ARHGAP24: variants seen among roughly 807,000 people sequenced by gnomAD.
ARHGAP24 encodes rho GTPase-activating protein 24.
A neutral mutation model predicts 76.4 loss-of-function variants in ARHGAP24; 50 were observed. The observed-to-expected ratio is 0.65, with a 90% confidence interval of 0.52 to 0.83. The LOEUF (loss-of-function observed/expected upper bound fraction) is 0.83. Ranked by LOEUF, ARHGAP24 falls within the 40% of genes least tolerant of loss-of-function variation. The pLI, the probability that ARHGAP24 is intolerant of heterozygous loss-of-function variation, is 0.00. For synonymous variants in ARHGAP24, 345 were observed against 323.3 expected (o/e 1.07, Z -0.72); for missense variants, 930 against 914.2 (o/e 1.02, Z -0.22).
intron 3 of ARHGAP24, among the ~76,000 whole-genome samples, chr4:85,889,754 A>T (rs959234414): frequency 2.6e-4 from 40 of 152,202 alleles, no homozygotes; most frequent in Non-Finnish European, 1.0e-4. Flanking sequence ...GGCCTCTTCT[A>T]TAAATAATGC....
At chr4:86,000,262 C>CATTA (rs1740932749) in intron 9 of ARHGAP24, 1 of 436,484 alleles carries the variant, frequency 2.3e-6, no homozygotes, top group African/African-American at 2.0e-5. Context: ...GCCTTGGGAC[C>CATTA]TAATGACTAA....
intron 3 of ARHGAP24, among the ~76,000 whole-genome samples, chr4:85,842,216 A>G (rs538673435): frequency 1.3e-5 from 2 of 152,300 alleles, no homozygotes; most frequent in East Asian, 3.9e-4. Context: ...GAAGTAGTAG[A>G]TGGGAGTTTA....
intron 1 of ARHGAP24, among the ~76,000 whole-genome samples, chr4:85,552,352 T>C (rs1029773544): frequency 3.3e-5 from 5 of 152,160 alleles, no homozygotes; most frequent in Non-Finnish European, 5.9e-5. Flanking sequence ...TTCTTAGTAT[T>C]GATTTCTATT....
At chr4:85,580,148 G>C (rs1031718429) in intron 2 of ARHGAP24, among the ~76,000 whole-genome samples, 17 of 141,862 alleles carry the variant, frequency 1.2e-4, no homozygotes, top group Admixed American at 6.8e-4. Context: ...GGGGGGGAGG[G>C]TGATGGAGAG....
At chr4:85,816,574 C>A (rs1394347818) in intron 3 of ARHGAP24, among the ~76,000 whole-genome samples, 1 of 151,980 alleles carries the variant, frequency 6.6e-6, no homozygotes, top group Non-Finnish European at 1.5e-5. Flanking sequence ...GTTTCTATTC[C>A]TTTTGGATCT....
intron 2 of ARHGAP24, among the ~76,000 whole-genome samples, chr4:85,701,236 A>G (rs576648859): frequency 6.6e-6 from 1 of 152,180 alleles, no homozygotes; most frequent in African/African-American, 2.4e-5. Flanking sequence ...TCCTAATCAC[A>G]TTATCGATTT....
intron 2 of ARHGAP24, among the ~76,000 whole-genome samples, chr4:85,636,146 C>G (rs1238012445): frequency 6.6e-6 from 1 of 151,806 alleles, no homozygotes; most frequent in Non-Finnish European, 1.5e-5. Context: ...CTGACCTTCA[C>G]TCTTCCTTCT....
intron 8 of ARHGAP24, among the ~76,000 whole-genome samples, chr4:85,983,300 A>T (rs1220615180): frequency 1.3e-5 from 2 of 152,058 alleles, no homozygotes; most frequent in Non-Finnish European, 2.9e-5. Context: ...CAGTAATTGG[A>T]TGGCTGGATC....
chr4:85,676,686 G>A (rs994928893), intron 2 of ARHGAP24, among the ~76,000 whole-genome samples: 28 of 152,296 alleles, frequency 1.8e-4, no homozygotes, highest in African/African-American at 6.0e-4. Context: ...GAGTTGGGAA[G>A]AGCAAGGAAA....
chr4:85,740,848 C>T lies in ARHGAP24; in HGVS notation c.268+18876C>T, dbSNP rs576956218. On this transcript the variant is annotated intron_variant, in intron 3 of 9. Coordinates refer to ENST00000395184, the MANE Select transcript of ARHGAP24 (RefSeq NM_001025616.3). ...ATATACTGTTGTCTTATAGATGCAG[C>T]TCAGTAGTCCTACATTATCCCAGAA... Among the ~76,000 whole-genome samples, 8 of 152,278 alleles carry T rather than the reference C, an allele frequency of 5.3e-5. No homozygotes were observed. The South Asian group carries it at 1.7e-3, about 32-fold the overall frequency.
chr4:85,934,452 G>A (rs1199543494), intron 4 of ARHGAP24, among the ~76,000 whole-genome samples: 1 of 152,138 alleles, frequency 6.6e-6, no homozygotes, highest in African/African-American at 2.4e-5. Flanking sequence ...TCTTCAGCAA[G>A]CTTTCTCTGT....
intron 2 of ARHGAP24, among the ~76,000 whole-genome samples, chr4:85,664,532 A>G (rs560919879): frequency 6.7e-6 from 1 of 150,044 alleles, no homozygotes; most frequent in Non-Finnish European, 1.5e-5. Flanking sequence ...CTCTGATTTT[A>G]GTTATTTCTT....
intron 9 of ARHGAP24, among the ~76,000 whole-genome samples, chr4:85,997,789 T>A (rs1740773250): frequency 6.6e-6 from 1 of 151,956 alleles, no homozygotes; most frequent in East Asian, 1.9e-4. Flanking sequence ...CTGAGTAGCT[T>A]GGATTACAGA....
At chr4:85,747,800 A>T (rs574527607) in intron 3 of ARHGAP24, among the ~76,000 whole-genome samples, 32 of 152,362 alleles carry the variant, frequency 2.1e-4, no homozygotes, top group African/African-American at 5.5e-4. Context: ...GTAATTTTTT[A>T]AAATATATTT....
At chr4:85,911,778 C>T (rs1735098151) in intron 3 of ARHGAP24, among the ~76,000 whole-genome samples, 2 of 152,296 alleles carry the variant, frequency 1.3e-5, no homozygotes, top group African/African-American at 4.8e-5. Flanking sequence ...TAGCCACCTG[C>T]AAATGATTAT....
chr4:85,898,255 A>G lies in ARHGAP24; in HGVS notation c.269-25393A>G, dbSNP rs181345333. On this transcript the variant is annotated intron_variant, in intron 3 of 9. Transcript: ENST00000395184. ...GGAAAAACAGCCAATAGAAAACAGAACCATCTCCATCTCATACATGGAGAA... is the reference window on the plus strand; with the variant it reads ...GGAAAAACAGCCAATAGAAAACAGAGCCATCTCCATCTCATACATGGAGAA... 2.4e-3 allele frequency among the ~76,000 whole-genome samples: 361 copies of G among 152,060 alleles called. 2 individuals carry two copies. Among genetic ancestry groups the G allele is most frequent in the African/African-American group, 8.4e-3 (348 of 41,462 alleles).
chr4:85,607,751 G>A (rs1305447155), intron 2 of ARHGAP24, among the ~76,000 whole-genome samples: 1 of 103,810 alleles, frequency 9.6e-6, no homozygotes, highest in Admixed American at 1.1e-4. Context: ...AAATGAGGAA[G>A]TATCAAAAAT....
intron 1 of ARHGAP24, among the ~76,000 whole-genome samples, chr4:85,528,510 T>C (rs1280154870): frequency 4.6e-4 from 70 of 151,916 alleles, no homozygotes; most frequent in Admixed American, 4.6e-3. Flanking sequence ...GTAACAACAA[T>C]ATAGGCAAGA....
At chr4:85,635,295 G>A (rs35592449) in intron 2 of ARHGAP24, among the ~76,000 whole-genome samples, 40,120 of 151,412 alleles carry the variant, frequency 0.26, 7,433 homozygotes, top group East Asian at 0.84. Context: ...AATCAGGAAA[G>A]ACCTTATTAA....
Sources: allele counts gnomAD v4.1 joint callset (sites outside exome capture counted in the v4.1 genomes callset), GRCh38; gene constraint gnomAD v4.1.1; transcripts MANE v1.5; gene names NCBI Gene and HGNC (gene_info 2026-07-23, HGNC 2026-07-21).